ZMAT4: variants seen among roughly 807,000 people sequenced by gnomAD.
ZMAT4 encodes the protein zinc finger matrin-type protein 4.
A neutral mutation model predicts 28.7 loss-of-function variants in ZMAT4; 17 were observed. That is an observed-to-expected ratio of 0.59 (90% CI 0.41 to 0.89). The LOEUF (loss-of-function observed/expected upper bound fraction) is 0.89. ZMAT4 is among the 40% of genes least tolerant of loss of function. ZMAT4 has a pLI of 0.00. For missense variants in ZMAT4, 240 were observed against 283.8 expected, an observed-to-expected ratio of 0.85 and a Z score of 1.11; for synonymous variants, 117 against 109.2, an observed-to-expected ratio of 1.07 and a Z score of -0.44.
At chr8:40,751,781 T>C (rs1413747050) in intron 3 of ZMAT4, among the ~76,000 whole-genome samples, 1 of 152,164 alleles carries the variant, frequency 6.6e-6, no homozygotes, top group Admixed American at 6.5e-5. Flanking sequence ...ATTCTGTTGC[T>C]CTGTAAGACT....
chr8:40,851,446 A>C (rs1162398816), intron 1 of ZMAT4, among the ~76,000 whole-genome samples: 2 of 152,216 alleles, frequency 1.3e-5, no homozygotes, highest in Non-Finnish European at 2.9e-5. Flanking sequence ...AATTCAAATA[A>C]AATCTACTGT....
Position 40,870,634 on chromosome 8 carries a change from C to T in ZMAT4, c.-5+27049G>A, listed in dbSNP as rs75804043. On this transcript the variant is annotated intron_variant, in intron 1 of 6. Transcript: ENST00000297737. ...TCTTTCCTTACGTGTCCTATGTCCT[C>T]GTACAAGACTGAGAATGGATTCATA... Among the ~76,000 whole-genome samples, 1,481 of 152,270 alleles carry T rather than the reference C, an allele frequency of 9.7e-3. 12 individuals carry two copies. The highest frequency in any genetic ancestry group is 0.015 in the Non-Finnish European group (1,042 of 68,030).
intron 2 of ZMAT4, among the ~76,000 whole-genome samples, chr8:40,804,927 A>G (rs191173783): frequency 1.1e-4 from 17 of 152,014 alleles, no homozygotes; most frequent in African/African-American, 3.9e-4. Flanking sequence ...TATCGTTTAA[A>G]CCAATATTTC....
chr8:40,646,870 A>G (rs1262268470), intron 5 of ZMAT4, among the ~76,000 whole-genome samples: 1 of 152,240 alleles, frequency 6.6e-6, no homozygotes, highest in African/African-American at 2.4e-5. Context: ...ACATCTGTAG[A>G]ACACTTCACT....
chr8:40,613,180 C>CTTTCTTTTTTTTTT (rs71224837), intron 5 of ZMAT4, among the ~76,000 whole-genome samples: 24 of 79,976 alleles, frequency 3.0e-4, no homozygotes, highest in South Asian at 1.3e-3. Context: ...TACTTTCTTT[C>CTTTCTTTTTTTTTT]TTTTTTTTTT....
At chr8:40,871,786 C>G (rs1478909799) in intron 1 of ZMAT4, among the ~76,000 whole-genome samples, 5 of 152,198 alleles carry the variant, frequency 3.3e-5, no homozygotes, top group Non-Finnish European at 7.3e-5. Flanking sequence ...AAGTCTGTCT[C>G]TTCCACCACG....
intron 3 of ZMAT4, among the ~76,000 whole-genome samples, chr8:40,730,060 T>C (rs1408781841): frequency 1.3e-5 from 2 of 152,242 alleles, no homozygotes; most frequent in Non-Finnish European, 2.9e-5. Flanking sequence ...GAGTACATTA[T>C]GTTTTAATCT....
intron 3 of ZMAT4, among the ~76,000 whole-genome samples, chr8:40,705,450 T>C (rs1431103715): frequency 6.6e-6 from 1 of 152,166 alleles, no homozygotes; most frequent in Non-Finnish European, 1.5e-5. Flanking sequence ...TTACTATCTG[T>C]CTCTGACCAC....
At chr8:40,582,985 C>T (rs62505440) in intron 5 of ZMAT4, among the ~76,000 whole-genome samples, 33,504 of 152,046 alleles carry the variant, frequency 0.22, 4,400 homozygotes, top group Non-Finnish European at 0.3. Context: ...GAAGTGGTCA[C>T]GAACCCGTGC....
At chr8:40,601,716 A>G (rs1401529247) in intron 5 of ZMAT4, among the ~76,000 whole-genome samples, 1 of 64,984 alleles carries the variant, frequency 1.5e-5, no homozygotes, top group African/African-American at 3.7e-5. Context: ...AAAGAAAGAA[A>G]GAAAGAAAGA....
chr8:40,650,413 C>T (rs899104285), intron 5 of ZMAT4, among the ~76,000 whole-genome samples: 12 of 120,398 alleles, frequency 1.0e-4, no homozygotes, highest in South Asian at 6.3e-4. Context: ...ATAACAGGAT[C>T]TGAAATTGTG....
chr8:40,709,954 C>T (rs1026215289), intron 3 of ZMAT4, among the ~76,000 whole-genome samples: 35 of 150,768 alleles, frequency 2.3e-4, no homozygotes, highest in African/African-American at 7.3e-4. Flanking sequence ...AGGAGAATCT[C>T]GTGAACCCCG....
chr8:40,686,973 G>A (rs1809437163), intron 4 of ZMAT4, among the ~76,000 whole-genome samples: 1 of 152,128 alleles, frequency 6.6e-6, no homozygotes, highest in African/African-American at 2.4e-5. Flanking sequence ...ACATGAGGCG[G>A]GAAAAGTGGT....
intron 2 of ZMAT4, among the ~76,000 whole-genome samples, chr8:40,774,132 C>T (rs1813495341): frequency 6.6e-6 from 1 of 152,052 alleles, no homozygotes; most frequent in Admixed American, 6.6e-5. Flanking sequence ...AAAATATTTG[C>T]AGCATGTAAA....
intron 6 of ZMAT4, among the ~76,000 whole-genome samples, chr8:40,538,698 C>T (rs1380115590): frequency 1.3e-5 from 2 of 152,148 alleles, no homozygotes; most frequent in Admixed American, 6.5e-5. Flanking sequence ...ATTCTCTCCC[C>T]TAATCTTTCC....
intron 2 of ZMAT4, among the ~76,000 whole-genome samples, chr8:40,815,111 T>G (rs937790865): frequency 1.3e-5 from 2 of 151,814 alleles, no homozygotes; most frequent in African/African-American, 4.8e-5. Flanking sequence ...CCTGTCGCTA[T>G]TAAAAATACA....
At chr8:40,722,434 A>G (rs1165423310) in intron 3 of ZMAT4, among the ~76,000 whole-genome samples, 1 of 152,182 alleles carries the variant, frequency 6.6e-6, no homozygotes, top group East Asian at 1.9e-4. Context: ...ATAACCAGAT[A>G]AGTACTGTAT....
At chr8:40,653,042 C>A (rs1807752955) in intron 5 of ZMAT4, among the ~76,000 whole-genome samples, 1 of 151,600 alleles carries the variant, frequency 6.6e-6, no homozygotes, top group South Asian at 2.1e-4. Context: ...ATGTAACTAA[C>A]CTGCACAATG....
chr8:40,756,400 C>A (rs1812681477), intron 3 of ZMAT4, among the ~76,000 whole-genome samples: 1 of 109,546 alleles, frequency 9.1e-6, no homozygotes, highest in Admixed American at 1.1e-4. Context: ...TTTCACCCAG[C>A]AATTTCATGT....
Sources: gnomAD v4.1 joint callset for allele counts (sites outside exome capture counted in the v4.1 genomes callset) on GRCh38, gnomAD v4.1.1 for gene constraint, MANE v1.5 for transcripts, NCBI Gene and HGNC (gene_info 2026-07-23, HGNC 2026-07-21) for gene names.